The following DACH2 variants were observed in gnomAD, a reference collection of about 807,000 sequenced individuals.
DACH2 encodes dachshund homolog 2.
DACH2 carries 17 observed loss-of-function variants against 35.8 expected under a neutral mutation model. That is an observed-to-expected ratio of 0.48 (90% CI 0.33 to 0.71). DACH2 has a LOEUF of 0.71. Among genes scored for constraint, DACH2 ranks in the 30% least tolerant of loss-of-function variants. DACH2 has a pLI of 0.02. For missense variants in DACH2, 469 were observed against 472.7 expected, an observed-to-expected ratio of 0.99 and a Z score of 0.07; for synonymous variants, 195 against 177.3, an observed-to-expected ratio of 1.10 and a Z score of -0.79.
chrX:86,308,142 G>C (rs2148021044), intron 1 of DACH2, among the ~76,000 whole-genome samples: 1 of 111,989 alleles, frequency 8.9e-6, no homozygotes, highest in South Asian at 3.7e-4. Context: ...CACCTGGGAG[G>C]GTCCAGAAGA....
chrX:86,602,062 T>A (rs2039796434), intron 3 of DACH2, among the ~76,000 whole-genome samples: 1 of 112,382 alleles, frequency 8.9e-6, no homozygotes. Context: ...ACTACTGATC[T>A]GTTTTGCTAT....
At chrX:86,228,987 A>G (rs2032888964) in intron 1 of DACH2, among the ~76,000 whole-genome samples, 1 of 111,702 alleles carries the variant, frequency 9.0e-6, no homozygotes, top group Non-Finnish European at 1.9e-5. Context: ...CCAGCTATTT[A>G]TCCTTGTTTT....
At chrX:86,178,401 G>A (rs1188439196) in intron 1 of DACH2, among the ~76,000 whole-genome samples, 1 of 111,099 alleles carries the variant, frequency 9.0e-6, no homozygotes, top group Non-Finnish European at 1.9e-5. Context: ...TCAACTTCAG[G>A]AACAGTTTGA....
intron 1 of DACH2, chrX:86,160,465 C>T (rs1239937629): frequency 2.8e-5 from 15 of 532,898 alleles, no homozygotes; most frequent in East Asian, 1.0e-4. Flanking sequence ...CTTCCAGCTT[C>T]TTACCAGAAC....
At chrX:86,263,251 C>T (rs1305685793) in intron 1 of DACH2, among the ~76,000 whole-genome samples, 1 of 111,739 alleles carries the variant, frequency 8.9e-6, no homozygotes, top group East Asian at 2.8e-4. Context: ...ATGTTTATCA[C>T]CTAAGTAGCC....
chrX:86,638,916 C>G (rs1463556643), intron 3 of DACH2, among the ~76,000 whole-genome samples: 4 of 111,656 alleles, frequency 3.6e-5, no homozygotes, highest in Non-Finnish European at 7.5e-5. Flanking sequence ...GGGTATCTAC[C>G]AAAAGGAAAA....
At chrX:86,267,168 G>A (rs73631920) in intron 1 of DACH2, among the ~76,000 whole-genome samples, 4,624 of 111,415 alleles carry the variant, frequency 0.042, 245 homozygotes, top group African/African-American at 0.14. Flanking sequence ...AGATGTACAC[G>A]TATGCAATTA....
chrX:86,563,835 G>A (rs1331482125), intron 3 of DACH2, among the ~76,000 whole-genome samples: 1 of 111,004 alleles, frequency 9.0e-6, no homozygotes, highest in East Asian at 2.8e-4. Context: ...GCGATTATTG[G>A]TTGTATTACA....
chrX:86,303,166 C>G (rs1470629392), intron 1 of DACH2, among the ~76,000 whole-genome samples: 1 of 105,742 alleles, frequency 9.5e-6, no homozygotes, highest in Non-Finnish European at 1.9e-5. Context: ...ATAAAGAGCA[C>G]TGCACCAGGA....
chrX:86,242,396 C>G (rs1207779794), intron 1 of DACH2, among the ~76,000 whole-genome samples: 1 of 111,823 alleles, frequency 8.9e-6, no homozygotes. Flanking sequence ...AGCCTATAGC[C>G]CCTTCGTTTT....
At chrX:86,788,977 T>A (rs2042163347) in intron 7 of DACH2, among the ~76,000 whole-genome samples, 2 of 111,742 alleles carry the variant, frequency 1.8e-5, no homozygotes, top group Admixed American at 1.9e-4. Flanking sequence ...CGGTTAGCTT[T>A]CCACTTTTTG....
intron 3 of DACH2, among the ~76,000 whole-genome samples, chrX:86,565,750 A>G (rs2039284962): frequency 8.9e-6 from 1 of 111,837 alleles, no homozygotes; most frequent in Admixed American, 9.6e-5. Context: ...AACTAAAATG[A>G]AAAGTCTGTG....
intron 1 of DACH2, among the ~76,000 whole-genome samples, chrX:86,284,351 G>C (rs1193883462): frequency 9.0e-6 from 1 of 111,574 alleles, no homozygotes; most frequent in Non-Finnish European, 1.9e-5. Flanking sequence ...ATGATCATAT[G>C]GTTGTTGTTC....
In DACH2 at chrX:86,579,436, A is replaced by G. The variant is rs1254477395; in HGVS notation, c.640+65045A>G. Among the ~76,000 whole-genome samples, 19 of 110,595 alleles carry G rather than the reference A, an allele frequency of 1.7e-4. No individual in the cohort carries two copies. The Admixed American group carries it at 1.7e-3, about 10-fold the overall frequency. ...TAAACTGGAGTTTTGAAAGCTCTTT[A>G]TACATTCTGTATATAATATATGTCT... On this transcript the variant is annotated intron_variant, in intron 3 of 11. Coordinates refer to ENST00000373125, the MANE Select transcript of DACH2 (RefSeq NM_053281.3).
chrX:86,378,939 G>T (rs759748176), intron 2 of DACH2, among the ~76,000 whole-genome samples: 34 of 110,829 alleles, frequency 3.1e-4, no homozygotes, highest in Middle Eastern at 4.6e-3. Context: ...CAAGTGATTT[G>T]AAAATTAAAA....
At chrX:86,764,592 G>A (rs376277582) in intron 7 of DACH2, among the ~76,000 whole-genome samples, 23 of 111,446 alleles carry the variant, frequency 2.1e-4, no homozygotes, top group African/African-American at 7.2e-4. Context: ...AGTATCCCAC[G>A]GTGTGTGTGT....
intron 7 of DACH2, among the ~76,000 whole-genome samples, chrX:86,765,072 A>AT (rs749327592): frequency 9.8e-4 from 108 of 109,777 alleles, no homozygotes; most frequent in Non-Finnish European, 1.0e-3. Flanking sequence ...TTTTAAGTGG[A>AT]TTTTTTTTGT....
intron 1 of DACH2, among the ~76,000 whole-genome samples, chrX:86,346,465 T>C (rs2035499141): frequency 9.0e-6 from 1 of 110,595 alleles, no homozygotes; most frequent in Non-Finnish European, 1.9e-5. Flanking sequence ...AGAGTATCAT[T>C]TTCTTCTGAA....
chrX:86,759,142 G>A (rs1166554835), intron 7 of DACH2, among the ~76,000 whole-genome samples: 2 of 108,782 alleles, frequency 1.8e-5, no homozygotes, highest in East Asian at 5.7e-4. Context: ...CGAATATACT[G>A]TGCGGTTTAA....
Sources: gnomAD v4.1 joint callset for allele counts (sites outside exome capture counted in the v4.1 genomes callset) on GRCh38, gnomAD v4.1.1 for gene constraint, MANE v1.5 for transcripts, NCBI Gene and HGNC (gene_info 2026-07-23, HGNC 2026-07-21) for gene names.